The following PTGER3 variants were observed in gnomAD, a reference collection of about 807,000 sequenced individuals.
PTGER3 encodes the protein prostaglandin E2 receptor EP3 subtype.
A neutral mutation model predicts 34.7 loss-of-function variants in PTGER3; 22 were observed. That is an observed-to-expected ratio of 0.63 (90% CI 0.45 to 0.91). The LOEUF is 0.91. PTGER3 is among the 40% of genes least tolerant of loss of function. The pLI is 0.00. For missense variants in PTGER3, 468 were observed against 519.4 expected, an observed-to-expected ratio of 0.90 and a Z score of 0.96; for synonymous variants, 241 against 230.1, an observed-to-expected ratio of 1.05 and a Z score of -0.43.
intron 4 of PTGER3, among the ~76,000 whole-genome samples, chr1:70,927,712 C>T (rs539603250): frequency 4.4e-4 from 67 of 152,190 alleles, no homozygotes; most frequent in African/African-American, 1.6e-3. Context: ...GCTGGATTCC[C>T]AGAGGTCATT....
intron 2 of PTGER3, chr1:71,008,673 A>G: frequency 2.0e-6 from 2 of 981,926 alleles, no homozygotes; most frequent in Non-Finnish European, 2.4e-6. Flanking sequence ...AGTCTTATGG[A>G]CTAGGCCACA....
At chr1:71,003,761 T>C (rs1260927365) in intron 2 of PTGER3, among the ~76,000 whole-genome samples, 1 of 152,212 alleles carries the variant, frequency 6.6e-6, no homozygotes, top group African/African-American at 2.4e-5. Flanking sequence ...AGTAATTACA[T>C]TGACTTAGTT....
chr1:71,011,037 G>C, intron 2 of PTGER3: 1 of 985,690 alleles, frequency 1.0e-6, no homozygotes, highest in Non-Finnish European at 1.2e-6. Flanking sequence ...CAAAGAATAT[G>C]GCAAGCTTTG....
intron 4 of PTGER3, among the ~76,000 whole-genome samples, chr1:70,925,020 A>C (rs1420094441): frequency 6.6e-6 from 1 of 152,100 alleles, no homozygotes; most frequent in Non-Finnish European, 1.5e-5. Context: ...ATTGGATTGA[A>C]GGATGCAAAG....
chr1:70,934,864 C>T (rs1649056376), intron 4 of PTGER3, among the ~76,000 whole-genome samples: 1 of 152,094 alleles, frequency 6.6e-6, no homozygotes. Flanking sequence ...AAACAGTTGG[C>T]CAAGTTTATT....
chr1:70,925,782 A>G (rs1648017868), intron 4 of PTGER3, among the ~76,000 whole-genome samples: 1 of 152,170 alleles, frequency 6.6e-6, no homozygotes, highest in Non-Finnish European at 1.5e-5. Context: ...GAGAGAGGTA[A>G]AAGTGAAGGT....
intron 1 of PTGER3, among the ~76,000 whole-genome samples, chr1:71,039,005 TA>T (rs1412744635): frequency 1.3e-5 from 2 of 152,176 alleles, no homozygotes; most frequent in Non-Finnish European, 2.9e-5. Flanking sequence ...ACATATAGGA[TA>T]ACAGGAAGAC....
At chr1:70,981,636 T>A (rs1169586443) in intron 2 of PTGER3, among the ~76,000 whole-genome samples, 1 of 151,928 alleles carries the variant, frequency 6.6e-6, no homozygotes, top group African/African-American at 2.4e-5. Flanking sequence ...CTCTAACTCC[T>A]GAGCTCAAGT....
intron 4 of PTGER3, among the ~76,000 whole-genome samples, chr1:70,856,579 C>T (rs1260292409): frequency 6.6e-6 from 1 of 152,054 alleles, no homozygotes; most frequent in Admixed American, 6.5e-5. Flanking sequence ...AAGAAATTTG[C>T]TCTGTAATTT....
chr1:71,007,295 G>A (rs894499244), intron 2 of PTGER3: 2 of 985,468 alleles, frequency 2.0e-6, no homozygotes, highest in Admixed American at 1.2e-4. Flanking sequence ...TAATTGGTTT[G>A]CTTAAACAGG....
intron 2 of PTGER3, among the ~76,000 whole-genome samples, chr1:70,987,244 G>A (rs577806115): frequency 6.6e-6 from 1 of 152,244 alleles, no homozygotes; most frequent in Non-Finnish European, 1.5e-5. Context: ...TGTCAAATAA[G>A]AACAGCCATT....
chr1:70,925,490 A>G (rs1647980629), intron 4 of PTGER3, among the ~76,000 whole-genome samples: 1 of 152,214 alleles, frequency 6.6e-6, no homozygotes, highest in Admixed American at 6.5e-5. Flanking sequence ...GTAGCATTGT[A>G]CATAATAGCT....
At chr1:71,009,377 G>T in intron 2 of PTGER3, 1 of 978,476 alleles carries the variant, frequency 1.0e-6, no homozygotes, top group Non-Finnish European at 1.2e-6. Context: ...AATCTGGCAT[G>T]ATTAAACACT....
At chr1:70,928,398 CA>C (rs1490386338) in intron 4 of PTGER3, among the ~76,000 whole-genome samples, 1 of 151,586 alleles carries the variant, frequency 6.6e-6, no homozygotes, top group Non-Finnish European at 1.5e-5. Flanking sequence ...CTTTGGGAGC[CA>C]AGGGGGAAAG....
chr1:70,894,056 C>T (rs968796442), intron 4 of PTGER3, among the ~76,000 whole-genome samples: 5 of 152,018 alleles, frequency 3.3e-5, no homozygotes, highest in South Asian at 4.2e-4. Context: ...GCCAGTAATC[C>T]CAGCTCTTTG....
chr1:70,947,612 A>T (rs1650338676), downstream of PTGER3: 1 of 152,286 alleles, frequency 6.6e-6, no homozygotes, highest in East Asian at 1.9e-4. Context: ...GGAGAACTCC[A>T]TATGTCTGGA....
chr1:71,011,380 C>A (rs1003985951), intron 2 of PTGER3: 7 of 985,176 alleles, frequency 7.1e-6, no homozygotes, highest in Non-Finnish European at 8.4e-6. Context: ...CTGGGGAACA[C>A]TTTTGGTGAA....
intron 4 of PTGER3, among the ~76,000 whole-genome samples, chr1:70,853,733 G>A (rs977701920): frequency 2.0e-5 from 3 of 152,168 alleles, no homozygotes; most frequent in African/African-American, 7.2e-5. Context: ...GTGATCCCAA[G>A]TTACAGTAAT....
chr1:70,965,590 A>G (rs1405144522), intron 2 of PTGER3, among the ~76,000 whole-genome samples: 2 of 152,194 alleles, frequency 1.3e-5, no homozygotes, highest in Non-Finnish European at 2.9e-5. Flanking sequence ...TCCATACTTA[A>G]TATGACAGTT....
Sources: gnomAD v4.1 joint callset for allele counts (sites outside exome capture counted in the v4.1 genomes callset) on GRCh38, gnomAD v4.1.1 for gene constraint, MANE v1.5 for transcripts, NCBI Gene and HGNC (gene_info 2026-07-23, HGNC 2026-07-21) for gene names.